PNPLA7: variants seen among roughly 807,000 people sequenced by gnomAD.
The protein encoded by PNPLA7 is patatin like domain 7, lysophospholipase.
PNPLA7 carries 153 observed loss-of-function variants against 161.7 expected under a neutral mutation model. That is an observed-to-expected ratio of 0.95 (90% confidence interval 0.83 to 1.08). PNPLA7 has a LOEUF of 1.08. Ranked by LOEUF, PNPLA7 falls within the 50% of genes least tolerant of loss-of-function variation. PNPLA7 has a pLI of 0.00. For synonymous variants in PNPLA7, 809 were observed against 782.1 expected, an observed-to-expected ratio of 1.03 and a Z score of -0.57; for missense variants, 1,739 against 1,856.6, an observed-to-expected ratio of 0.94 and a Z score of 1.16.
Position 137,500,871 on chromosome 9 carries a change from G to A in PNPLA7, c.1577C>T (p.Ser526Leu), listed in dbSNP as rs200597005. Reference protein sequence around the residue: ...DQDASILFVVSGLLHVYQRKI... With the variant: ...DQDASILFVVLGLLHVYQRKI... The stretch of plus-strand genomic sequence containing the variant: ...CCGCTGGTACACGTGCAGCAGCCCC[G>A]AGACCACGAACAGGATGCTGGCGTC... The change falls in exon 16 of 35, where the codon TCG (serine) becomes TTG (leucine). Residue 526 changes from serine (S) to leucine (L), a missense_variant. Physicochemically the swap from Ser to Leu is moderately radical, Grantham distance 145. Transcript: ENST00000406427. The surrounding 1 kb of genome is among the most constrained non-coding windows in gnomAD (Gnocchi z 5.5). 2.9e-5 allele frequency: 46 copies of A among 1,583,154 alleles called. No homozygotes were observed. The East Asian group carries it at 4.1e-4, about 14-fold the overall frequency.
chr9:137,509,598 A>G (rs1224629324), intron 12 of PNPLA7: 4 of 361,188 alleles, frequency 1.1e-5, no homozygotes, highest in Admixed American at 5.8e-5. Flanking sequence ...TAGCTGGTAC[A>G]AATGAGTTTA....
intron 24 of PNPLA7, 80 bp downstream of exon 24, chr9:137,478,976 G>C: frequency 1.4e-6 from 2 of 1,434,856 alleles, no homozygotes; most frequent in Non-Finnish European, 9.3e-7. Flanking sequence ...GAATCAGGTG[G>C]GGAATGTGAA....
At chr9:137,482,870 T>C (rs1208144714) in intron 21 of PNPLA7, among the ~76,000 whole-genome samples, 1 of 152,192 alleles carries the variant, frequency 6.6e-6, no homozygotes, top group African/African-American at 2.4e-5. Context: ...ATAAAGTGGG[T>C]TTTTTGTTTG....
chr9:137,549,021 G>A (rs1333127732), intron 1 of PNPLA7, among the ~76,000 whole-genome samples: 2 of 152,240 alleles, frequency 1.3e-5, no homozygotes, highest in Non-Finnish European at 2.9e-5. Flanking sequence ...TTCTGGGACC[G>A]ATTATCCAAG....
At chr9:137,463,247 A>G (rs988516649) in intron 29 of PNPLA7, 168 bp downstream of exon 29, 3 of 648,210 alleles carry the variant, frequency 4.6e-6, no homozygotes, top group Non-Finnish European at 8.0e-6. Context: ...ACGCGTGTGC[A>G]TGTTCTCGGA....
chr9:137,460,382 A>G lies in PNPLA7; in HGVS notation c.*11T>C, dbSNP rs776840208. On this transcript the variant is annotated 3_prime_UTR_variant, in exon 35 of 35. Transcript: ENST00000406427. The stretch of plus-strand genomic sequence containing the variant: ...GGAAGACGCTGCATCCGGGCTCTTT[A>G]GCAGAGGCCTCTACCCGTCCTGGTC... 1 of 1,610,784 alleles carries G rather than the reference A, an allele frequency of 6.2e-7. No homozygotes were observed. The highest frequency in any genetic ancestry group is 8.5e-7 in the Non-Finnish European group (1 of 1,178,600).
chr9:137,484,039 G>A (rs990944241), intron 21 of PNPLA7, among the ~76,000 whole-genome samples: 4 of 151,932 alleles, frequency 2.6e-5, no homozygotes, highest in East Asian at 1.9e-4. Context: ...GGGTTCAAGC[G>A]ATTCTCCTGA....
In PNPLA7 at chr9:137,461,924, T is replaced by C. The variant is rs1443644084; in HGVS notation, c.3756+7A>G. 6.4e-7 allele frequency: 1 copy of C among 1,559,310 alleles called. No individual in the cohort carries two copies. The highest frequency in any genetic ancestry group is 8.6e-7 in the Non-Finnish European group (1 of 1,158,002). On this transcript the variant is annotated splice_region_variant and intron_variant, in intron 32 of 34. Transcript: ENST00000406427. ...GAGCTGGGCGTGGTCCGGACGCCCG[T>C]ACTCACCGCACTCGCGGGCTTCTTG...
intron 15 of PNPLA7, 55 bp downstream of exon 15, chr9:137,501,595 G>A (rs1198238780): frequency 1.6e-5 from 24 of 1,539,230 alleles, no homozygotes; most frequent in Non-Finnish European, 1.8e-5. Context: ...GCTCCACTTG[G>A]CACTGGGCTA....
chr9:137,529,656 GTTT>G (rs542511786), intron 8 of PNPLA7, among the ~76,000 whole-genome samples: 1 of 119,128 alleles, frequency 8.4e-6, no homozygotes, highest in African/African-American at 3.3e-5. Context: ...TTGAATCTTT[GTTT>G]TTTTTTTTTT....
intron 14 of PNPLA7, among the ~76,000 whole-genome samples, chr9:137,505,209 A>AAAAAT (rs1833850435): frequency 6.6e-6 from 1 of 151,040 alleles, no homozygotes; most frequent in Non-Finnish European, 1.5e-5. Flanking sequence ...AAAAAAAAAA[A>AAAAAT]GCTTTCCATC....
In PNPLA7 at chr9:137,490,921, G is replaced by A. The variant is rs1285982002; in HGVS notation, c.2197+2092C>T. ...GGGAAGGATGAAGTGACTGAACAATGGTGAGCTCTCCACATTCCACTTAAA... is the reference window on the plus strand; with the variant it reads ...GGGAAGGATGAAGTGACTGAACAATAGTGAGCTCTCCACATTCCACTTAAA... On this transcript the variant is annotated intron_variant, in intron 20 of 34. Transcript: ENST00000406427. This position sits in a 1 kb window ranked among gnomAD's most constrained non-coding sequence, Gnocchi z 4.1. Among the ~76,000 whole-genome samples the A allele has an allele frequency of 6.6e-6, 1 of 152,198 alleles. No homozygotes were observed. Among genetic ancestry groups the A allele is most frequent in the Non-Finnish European group, 1.5e-5 (1 of 68,038 alleles).
intron 30 of PNPLA7, 177 bp from the exon 31 acceptor site, chr9:137,462,508 C>G: frequency 7.3e-7 from 1 of 1,375,268 alleles, no homozygotes. Context: ...CCTTCAGGCC[C>G]GTCCGGCCTC....
rs142196268 is a variant in PNPLA7 at position 137,506,003 on chromosome 9, C to T, written c.1306G>A (p.Gly436Arg). The T allele has an allele frequency of 2.8e-5, 45 of 1,612,014 alleles. 1 individual carries two copies. The highest frequency in any genetic ancestry group is 1.8e-4 in the Admixed American group (11 of 59,782). Residue 436 changes from glycine to arginine, a missense_variant, in exon 13 of 35, where the codon GGG (glycine) becomes AGG (arginine). Gly to Arg is a moderately radical substitution (Grantham distance 125, BLOSUM62 -2). Transcript: ENST00000406427. Reference protein sequence around the residue: ...RVFLHSDEHPGSSVASKSRKS... With the variant: ...RVFLHSDEHPRSSVASKSRKS... The stretch of plus-strand genomic sequence containing the variant: ...CCTACCTTGCTGGCCACGGAGCTCC[C>T]GGGGTGCTCGTCCGAGTGCAGGAAG...
chr9:137,541,584 T>A lies in PNPLA7; in HGVS notation c.667-862A>T. 1.4e-6 allele frequency: 1 copy of A among 734,918 alleles called. No homozygotes were observed. The highest frequency in any genetic ancestry group is 1.7e-6 in the Non-Finnish European group (1 of 601,128). 45.5% of individuals were successfully genotyped at this position (734,918 alleles called of 1,614,324 possible). Reference sequence around the variant, plus strand: ...CCCAGGGTTTGCTGAGTGCGTGCTTTAAATGAGAACAAGCAATGGGAAGTC... The same window carrying A: ...CCCAGGGTTTGCTGAGTGCGTGCTTAAAATGAGAACAAGCAATGGGAAGTC... On this transcript the variant is annotated intron_variant, in intron 7 of 34. Coordinates refer to ENST00000406427, the MANE Select transcript of PNPLA7 (RefSeq NM_001098537.3). The surrounding 1 kb of genome is among the most constrained non-coding windows in gnomAD (Gnocchi z 4.4).
rs1393215758 is a variant in PNPLA7 at position 137,480,945 on chromosome 9, G to T, written c.2411+15C>A. 6.4e-7 allele frequency: 1 copy of T among 1,551,198 alleles called. No individual in the cohort carries two copies. Among genetic ancestry groups the T allele is most frequent in the Admixed American group, 2.0e-5 (1 of 51,002 alleles). The stretch of plus-strand genomic sequence containing the variant: ...GGCCGGCTGGGAGGAAGGAGTCGGG[G>T]CTGGCGGCACGCACCTGTCCAGGGC... On this transcript the variant is annotated intron_variant, in intron 22 of 34. Transcript: ENST00000406427.
chr9:137,506,161 CCT>C, intron 12 of PNPLA7, 78 bp from the exon 13 acceptor site: 8 of 1,245,010 alleles, frequency 6.4e-6, no homozygotes, highest in South Asian at 1.3e-5. Context: ...CTGAGCACAC[CCT>C]GCAGTCTAAC....
intron 11 of PNPLA7, among the ~76,000 whole-genome samples, chr9:137,516,829 TAATAATTATTATTATTATTATAAA>T: frequency 6.7e-6 from 1 of 149,946 alleles, no homozygotes; most frequent in East Asian, 1.9e-4. Context: ...ATAGTAATAA[TAATAATTATTATTATTATTATAAA>T]AATAAAATGC....
chr9:137,536,394 T>C (rs1039255919), intron 8 of PNPLA7, among the ~76,000 whole-genome samples: 2 of 151,234 alleles, frequency 1.3e-5, no homozygotes, highest in African/African-American at 2.4e-5. Flanking sequence ...CTGGGGAGGG[T>C]CCGACTGGGC....
Sources: allele counts gnomAD v4.1 joint callset (sites outside exome capture counted in the v4.1 genomes callset), GRCh38; gene constraint gnomAD v4.1.1; non-coding constraint Gnocchi (gnomAD v3.1); transcripts MANE v1.5; gene names NCBI Gene and HGNC (gene_info 2026-07-23, HGNC 2026-07-21).